The following CACNA2D3 variants were observed in gnomAD, a reference collection of about 807,000 sequenced individuals.
CACNA2D3 encodes voltage-dependent calcium channel subunit alpha-2/delta-3.
A neutral mutation model predicts 160.6 loss-of-function variants in CACNA2D3; 60 were observed. The observed-to-expected ratio is 0.37, with a 90% CI of 0.30 to 0.46. The LOEUF is 0.46. Ranked by LOEUF, CACNA2D3 falls within the 20% of genes least tolerant of loss-of-function variation. CACNA2D3 has a pLI of 1.00. For missense variants in CACNA2D3, 1,205 were observed against 1,365.0 expected (o/e 0.88, Z 1.85); for synonymous variants, 558 against 492.9 (o/e 1.13, Z -1.75).
intron 4 of CACNA2D3, among the ~76,000 whole-genome samples, chr3:54,451,633 G>A (rs574675373): frequency 3.3e-5 from 5 of 152,174 alleles, no homozygotes; most frequent in African/African-American, 7.2e-5. Flanking sequence ...GTGTGCTATC[G>A]CATTTTTTGC....
chr3:54,162,960 G>T (rs555616052), intron 2 of CACNA2D3, among the ~76,000 whole-genome samples: 1 of 152,332 alleles, frequency 6.6e-6, no homozygotes, highest in East Asian at 1.9e-4. Flanking sequence ...CTCAGATAGG[G>T]CAGTTAGAGA....
chr3:54,514,382 C>T (rs1480186904), intron 5 of CACNA2D3, among the ~76,000 whole-genome samples: 2 of 152,218 alleles, frequency 1.3e-5, no homozygotes, highest in Admixed American at 1.3e-4. Flanking sequence ...AAGTGAATTC[C>T]TCCACTATAG....
At chr3:54,993,534 A>G (rs1279502752) in intron 31 of CACNA2D3, among the ~76,000 whole-genome samples, 1 of 152,216 alleles carries the variant, frequency 6.6e-6, no homozygotes, top group East Asian at 1.9e-4. Flanking sequence ...TGAGTTCAAT[A>G]TGGAGCCCAA....
chr3:54,385,054 G>C (rs1272427041), intron 3 of CACNA2D3, among the ~76,000 whole-genome samples: 1 of 152,136 alleles, frequency 6.6e-6, no homozygotes, highest in African/African-American at 2.4e-5. Flanking sequence ...TTAAATAAGA[G>C]TTGAGAAACC....
chr3:54,701,350 C>G (rs1157618724), intron 11 of CACNA2D3, among the ~76,000 whole-genome samples: 1 of 152,140 alleles, frequency 6.6e-6, no homozygotes, highest in South Asian at 2.1e-4. Flanking sequence ...GTACAGGAAG[C>G]CTAATAGTTG....
chr3:54,249,568 C>CACACACACACACACACACACAG (rs1559895713), intron 2 of CACNA2D3, among the ~76,000 whole-genome samples: 2 of 147,958 alleles, frequency 1.4e-5, no homozygotes, highest in African/African-American at 5.2e-5. Flanking sequence ...TACACACACA[C>CACACACACACACACACACACAG]ACACACACAC....
At chr3:54,687,121 C>CTTTTTTTTTTTTTTTTTTTTTTTTTT (rs757838355) in intron 11 of CACNA2D3, among the ~76,000 whole-genome samples, 13 of 94,964 alleles carry the variant, frequency 1.4e-4, no homozygotes, top group East Asian at 3.5e-4. Context: ...TTTTCTTTTT[C>CTTTTTTTTTTTTTTTTTTTTTTTTTT]TTTTTTTTTT....
At chr3:54,138,964 T>G (rs1699870105) in intron 2 of CACNA2D3, among the ~76,000 whole-genome samples, 1 of 152,238 alleles carries the variant, frequency 6.6e-6, no homozygotes, top group South Asian at 2.1e-4. Context: ...AGGATGTGGT[T>G]GGACCAGAGA....
chr3:54,834,006 A>G (rs1041469153), intron 14 of CACNA2D3, among the ~76,000 whole-genome samples: 1 of 152,232 alleles, frequency 6.6e-6, no homozygotes, highest in Non-Finnish European at 1.5e-5. Flanking sequence ...GCTGGTTACA[A>G]ATGAATGGTT....
In CACNA2D3 at chr3:54,650,974, G is replaced by T. The variant is rs1292049494; in HGVS notation, c.1167+8733G>T. ...TATACTATCGTTATCCCCTTTCACA[G>T]TTGAGGAAACTGAGGCATGAAGAGG... is the stretch of plus-strand genomic sequence containing the variant. On this transcript the variant is annotated intron_variant, in intron 11 of 37. Transcript: ENST00000474759. Among the ~76,000 whole-genome samples the T allele has an allele frequency of 1.3e-5, 2 of 152,268 alleles. 1 individual carries two copies.
intron 27 of CACNA2D3, among the ~76,000 whole-genome samples, chr3:54,956,486 C>A (rs552840975): frequency 9.2e-5 from 14 of 152,158 alleles, no homozygotes; most frequent in Non-Finnish European, 2.1e-4. Context: ...CTTGCATGGG[C>A]CACATGGTCT....
intron 11 of CACNA2D3, among the ~76,000 whole-genome samples, chr3:54,673,844 G>T (rs1009799506): frequency 9.2e-5 from 14 of 152,158 alleles, no homozygotes; most frequent in Non-Finnish European, 1.5e-4. Context: ...GAGGACCTGT[G>T]AGGTGAAAGG....
chr3:54,892,718 G>A (rs769506757), intron 25 of CACNA2D3, among the ~76,000 whole-genome samples: 4 of 152,184 alleles, frequency 2.6e-5, no homozygotes, highest in Non-Finnish European at 4.4e-5. Flanking sequence ...GGCAAGGGGA[G>A]ACAAGGGAAT....
At chr3:54,408,007 G>A (rs1699605633) in intron 4 of CACNA2D3, among the ~76,000 whole-genome samples, 1 of 152,152 alleles carries the variant, frequency 6.6e-6, no homozygotes, top group Admixed American at 6.5e-5. Context: ...ATCAGGCACT[G>A]TACTGTGAAT....
At chr3:54,661,646 A>G (rs1400050264) in intron 11 of CACNA2D3, among the ~76,000 whole-genome samples, 1 of 152,124 alleles carries the variant, frequency 6.6e-6, no homozygotes, top group Non-Finnish European at 1.5e-5. Flanking sequence ...ATCAGGAAAA[A>G]GGGGTGGGGT....
At chr3:54,475,918 A>G (rs187916486) in intron 4 of CACNA2D3, among the ~76,000 whole-genome samples, 15 of 151,386 alleles carry the variant, frequency 9.9e-5, no homozygotes, top group Admixed American at 6.6e-4. Context: ...TATTATTGCC[A>G]TGCTGTAAAT....
intron 2 of CACNA2D3, among the ~76,000 whole-genome samples, chr3:54,282,002 G>A (rs1359943334): frequency 6.6e-6 from 1 of 152,148 alleles, no homozygotes; most frequent in African/African-American, 2.4e-5. Context: ...TTGCTTAAGT[G>A]GTCTCAGCAA....
At chr3:54,345,204 C>A (rs1485736914) in intron 3 of CACNA2D3, among the ~76,000 whole-genome samples, 1 of 152,108 alleles carries the variant, frequency 6.6e-6, no homozygotes, top group African/African-American at 2.4e-5. Flanking sequence ...TTCACTTTGC[C>A]CTGCAGACTG....
At chr3:54,795,661 G>A (rs1345683759) in intron 13 of CACNA2D3, among the ~76,000 whole-genome samples, 1 of 152,112 alleles carries the variant, frequency 6.6e-6, no homozygotes, top group East Asian at 1.9e-4. Flanking sequence ...CAATTATTGA[G>A]AATCCAATTG....
Sources: allele counts gnomAD v4.1 joint callset (sites outside exome capture counted in the v4.1 genomes callset), GRCh38; gene constraint gnomAD v4.1.1; transcripts MANE v1.5; gene names NCBI Gene and HGNC (gene_info 2026-07-23, HGNC 2026-07-21).